The following TRPM3 variants were observed in gnomAD, a reference collection of about 807,000 sequenced individuals.
TRPM3 encodes the protein long transient receptor potential channel 3.
A neutral mutation model predicts 181.2 loss-of-function variants in TRPM3; 77 were observed. The ratio of observed to expected loss-of-function variants is 0.42; its 90% confidence interval spans 0.35 to 0.51. The LOEUF (loss-of-function observed/expected upper bound fraction) is 0.51. Ranked by LOEUF, TRPM3 falls within the 20% of genes least tolerant of loss-of-function variation. The pLI is 0.01. For missense variants in TRPM3, 1,759 were observed against 2,196.7 expected, an observed-to-expected ratio of 0.80 and a Z score of 3.98; for synonymous variants, 745 against 796.4, an observed-to-expected ratio of 0.94 and a Z score of 1.09.
At chr9:71,071,273 T>C (rs2062730209) in intron 1 of TRPM3, among the ~76,000 whole-genome samples, 1 of 152,186 alleles carries the variant, frequency 6.6e-6, no homozygotes, top group Admixed American at 6.5e-5. Flanking sequence ...CGGAACCTCC[T>C]GCAAGCCCTG....
chr9:70,694,143 CTG>C (rs1449075103), intron 8 of TRPM3, among the ~76,000 whole-genome samples: 1 of 152,196 alleles, frequency 6.6e-6, no homozygotes, highest in Non-Finnish European at 1.5e-5. Context: ...CCATTTCAGC[CTG>C]TGTCACTGGT....
chr9:70,908,969 G>T (rs1437741017), intron 1 of TRPM3, among the ~76,000 whole-genome samples: 2 of 152,178 alleles, frequency 1.3e-5, no homozygotes, highest in African/African-American at 4.8e-5. Flanking sequence ...TTCCAAGTAG[G>T]CTGTAGATAT....
At chr9:71,340,185 C>T (rs2090859192) in intron 1 of TRPM3, among the ~76,000 whole-genome samples, 1 of 152,102 alleles carries the variant, frequency 6.6e-6, no homozygotes, top group African/African-American at 2.4e-5. Flanking sequence ...CAATGAGATC[C>T]AGATTTAGCA....
chr9:70,628,675 A>G (rs1476030967), intron 12 of TRPM3, among the ~76,000 whole-genome samples: 1 of 152,000 alleles, frequency 6.6e-6, no homozygotes, highest in African/African-American at 2.4e-5. Context: ...ACAAAAAATT[A>G]GTGGGGCATG....
intron 1 of TRPM3, among the ~76,000 whole-genome samples, chr9:71,198,698 C>T (rs1373942793): frequency 6.6e-6 from 1 of 151,176 alleles, no homozygotes; most frequent in Non-Finnish European, 1.5e-5. Flanking sequence ...TGTAAGAATG[C>T]TTGTGATTTT....
intron 1 of TRPM3, among the ~76,000 whole-genome samples, chr9:71,258,272 G>A (rs1219368464): frequency 6.6e-6 from 1 of 152,154 alleles, no homozygotes; most frequent in Non-Finnish European, 1.5e-5. Context: ...CTGAGGTTAA[G>A]TTCATGCTGC....
intron 6 of TRPM3, among the ~76,000 whole-genome samples, chr9:70,812,247 T>C (rs1231966480): frequency 6.6e-6 from 1 of 152,196 alleles, no homozygotes; most frequent in East Asian, 1.9e-4. Context: ...CAGCCTCACT[T>C]GTGGCAAATA....
intron 1 of TRPM3, among the ~76,000 whole-genome samples, chr9:71,395,665 G>A (rs536170155): frequency 6.6e-6 from 1 of 152,302 alleles, no homozygotes; most frequent in Non-Finnish European, 1.5e-5. Context: ...TCAATCTTTT[G>A]AAAGATCAAA....
At chr9:71,279,107 C>T (rs1048977265) in intron 1 of TRPM3, among the ~76,000 whole-genome samples, 4 of 148,202 alleles carry the variant, frequency 2.7e-5, no homozygotes, top group East Asian at 4.1e-4. Flanking sequence ...TTTCTTCAGT[C>T]GAATTGCTGA....
chr9:71,232,030 C>G (rs2081082630), intron 1 of TRPM3, among the ~76,000 whole-genome samples: 1 of 151,824 alleles, frequency 6.6e-6, no homozygotes. Context: ...CTCCAAAGAC[C>G]TTATGTTTCT....
At position 70,616,737 on chromosome 9, in the gene TRPM3, G is replaced by C. The variant is rs553836144; in HGVS notation, c.2359-662C>G. Among the ~76,000 whole-genome samples, 6 of 152,176 alleles carry C rather than the reference G, an allele frequency of 3.9e-5. No individual in the cohort carries two copies. In the East Asian group the frequency reaches 1.2e-3, roughly 29 times the overall value. On this transcript the variant is annotated intron_variant, in intron 17 of 25. Transcript: ENST00000677713. ...CCCCAGTGGGCTCCGTATGTGCTGAGAGAGTCCCCTTACACACAAGCCCCA... is the reference window on the plus strand; with the variant it reads ...CCCCAGTGGGCTCCGTATGTGCTGACAGAGTCCCCTTACACACAAGCCCCA...
At chr9:71,382,261 T>C (rs1006868982) in intron 1 of TRPM3, among the ~76,000 whole-genome samples, 2 of 152,142 alleles carry the variant, frequency 1.3e-5, no homozygotes, top group Non-Finnish European at 2.9e-5. Context: ...AAAACTCAAC[T>C]GCTTAAATTA....
At chr9:70,925,889 G>T (rs2096716432) in intron 1 of TRPM3, among the ~76,000 whole-genome samples, 5 of 151,666 alleles carry the variant, frequency 3.3e-5, no homozygotes. Context: ...AGAAAACAAG[G>T]CCAATCCAAC....
chr9:71,161,268 A>C (rs2031975), intron 1 of TRPM3, among the ~76,000 whole-genome samples: 150,566 of 152,214 alleles, frequency 0.99, 74,482 homozygotes, highest in East Asian at 1. Flanking sequence ...TCTGTCACAT[A>C]CCAACACAAC....
chr9:70,934,676 G>T (rs1218419331), intron 1 of TRPM3, among the ~76,000 whole-genome samples: 1 of 152,076 alleles, frequency 6.6e-6, no homozygotes, highest in African/African-American at 2.4e-5. Context: ...TCAAGATTTT[G>T]CCATTATGGC....
chr9:71,392,038 A>T (rs2093074127), intron 1 of TRPM3, among the ~76,000 whole-genome samples: 1 of 152,132 alleles, frequency 6.6e-6, no homozygotes, highest in East Asian at 1.9e-4. Context: ...GTAGAATTTG[A>T]GTGAGCTCAA....
At chr9:70,921,660 A>C (rs772769473) in intron 1 of TRPM3, among the ~76,000 whole-genome samples, 4 of 152,136 alleles carry the variant, frequency 2.6e-5, no homozygotes, top group Non-Finnish European at 5.9e-5. Context: ...ACAGAGAGTG[A>C]CTACACTTCT....
rs2076960480 is a variant in TRPM3 at position 70,755,700 on chromosome 9, A to G, written c.1272+5901T>C. Among the ~76,000 whole-genome samples the G allele has an allele frequency of 3.3e-5, 5 of 152,326 alleles. No homozygotes were observed. The South Asian group carries it at 1.0e-3, about 32-fold the overall frequency. On this transcript the variant is annotated intron_variant, in intron 8 of 25. Coordinates refer to ENST00000677713, the MANE Select transcript of TRPM3 (RefSeq NM_001366145.2). ...TCTTAAAGAAAAGAATTTTCAACCC[A>G]GAATTTCATATCCAGCCAAACTAAG...
At chr9:70,854,712 A>T (rs2095339332) in intron 3 of TRPM3, among the ~76,000 whole-genome samples, 1 of 152,130 alleles carries the variant, frequency 6.6e-6, no homozygotes, top group Non-Finnish European at 1.5e-5. Flanking sequence ...TAAGTTACTC[A>T]TGGCTGGAAT....
Sources: allele counts gnomAD v4.1 joint callset (sites outside exome capture counted in the v4.1 genomes callset), GRCh38; gene constraint gnomAD v4.1.1; transcripts MANE v1.5; gene names NCBI Gene and HGNC (gene_info 2026-07-23, HGNC 2026-07-21).